The following UPF2 variants were observed in gnomAD, a reference collection of about 807,000 sequenced individuals.
UPF2 encodes UPF2 regulator of nonsense mediated mRNA decay.
A neutral mutation model predicts 141.4 loss-of-function variants in UPF2; 17 were observed. That is an observed-to-expected ratio of 0.12 (90% CI 0.08 to 0.18). UPF2 has a LOEUF of 0.18. Ranked by LOEUF, UPF2 falls within the 10% of genes least tolerant of loss-of-function variation. UPF2 has a pLI of 1.00. For missense variants in UPF2, 1,152 were observed against 1,515.9 expected (o/e 0.76, Z 3.99); for synonymous variants, 540 against 498.0 (o/e 1.08, Z -1.12).
chr10:11,998,319 C>T lies in UPF2; in HGVS notation c.1759-562G>A, dbSNP rs1160759039. Among the ~76,000 whole-genome samples the T allele has an allele frequency of 6.6e-6, 1 of 152,128 alleles. No individual in the cohort carries two copies. Among genetic ancestry groups the T allele is most frequent in the Non-Finnish European group, 1.5e-5 (1 of 68,020 alleles). On this transcript the variant is annotated intron_variant, in intron 7 of 21. Transcript: ENST00000357604. This position sits in a 1 kb window ranked among gnomAD's most constrained non-coding sequence, Gnocchi z 4.5. Reference sequence around the variant, plus strand: ...GAGAATTCTTCCAAAAGAAACTCAACTGTCTTCAATCCCCTGTCTAAAATT... The same window carrying T: ...GAGAATTCTTCCAAAAGAAACTCAATTGTCTTCAATCCCCTGTCTAAAATT...
At chr10:12,026,646 C>CT (rs760035093) in intron 3 of UPF2, 78,291 of 373,418 alleles carry the variant, frequency 0.21, 5,038 homozygotes, top group East Asian at 0.33. Flanking sequence ...TTCCTATAAA[C>CT]TTTTTTTTTT....
chr10:11,936,864 T>C lies in UPF2; in HGVS notation c.3379-152A>G, dbSNP rs1832857965. ...AACAATTACAACCACCATAATACTCTTTCTGAAACGTGGATAAATCTAGGG... is the reference window on the plus strand; with the variant it reads ...AACAATTACAACCACCATAATACTCCTTCTGAAACGTGGATAAATCTAGGG... On this transcript the variant is annotated intron_variant, in intron 18 of 21. Transcript: ENST00000357604. This position sits in a 1 kb window ranked among gnomAD's most constrained non-coding sequence, Gnocchi z 6.6. The C allele has an allele frequency of 2.8e-6, 2 of 718,054 alleles. No individual in the cohort carries two copies. Among genetic ancestry groups the C allele is most frequent in the Non-Finnish European group, 4.2e-6 (2 of 476,350 alleles). 44.5% of individuals were successfully genotyped at this position (718,054 alleles called of 1,614,324 possible). A position where few individuals can be genotyped will look rare whatever the true frequency, so the allele number is the denominator to read the frequency against.
intron 15 of UPF2, 22 bp from the exon 16 acceptor site, chr10:11,948,530 T>C (rs773381097): frequency 5.0e-6 from 8 of 1,607,826 alleles, no homozygotes; most frequent in Middle Eastern, 1.7e-4. Flanking sequence ...AAGGTGGAAA[T>C]GGAAAAATAC....
intron 7 of UPF2, 48 bp from the exon 8 acceptor site, chr10:11,997,805 C>A: frequency 6.5e-7 from 1 of 1,532,794 alleles, no homozygotes; most frequent in Non-Finnish European, 9.0e-7. Context: ...TAATTAGTTA[C>A]GGAGAGCAGA....
chr10:11,979,577 G>A lies in UPF2; in HGVS notation c.1845-412C>T, dbSNP rs754575683. ...AGCCATTTCCTTCATTTATCTCAGG[G>A]TAAGTTATTTGGAAACCTCAAGGTC... On this transcript the variant is annotated intron_variant, in intron 8 of 21. Coordinates refer to ENST00000357604, the MANE Select transcript of UPF2 (RefSeq NM_015542.4). The surrounding 1 kb of genome is among the most constrained non-coding windows in gnomAD (Gnocchi z 6.2). 2.0e-5 allele frequency among the ~76,000 whole-genome samples: 3 copies of A among 152,094 alleles called. No homozygotes were observed. Among genetic ancestry groups the A allele is most frequent in the Non-Finnish European group, 4.4e-5 (3 of 68,034 alleles).
intron 4 of UPF2, among the ~76,000 whole-genome samples, chr10:12,009,330 A>C (rs1834089724): frequency 6.6e-6 from 1 of 152,232 alleles, no homozygotes; most frequent in Admixed American, 6.5e-5. Flanking sequence ...ATTACAGAAC[A>C]ACCATACAAA....
At chr10:11,982,836 T>A (rs1833621689) in intron 8 of UPF2, among the ~76,000 whole-genome samples, 1 of 152,134 alleles carries the variant, frequency 6.6e-6, no homozygotes, top group Non-Finnish European at 1.5e-5. Context: ...GTCAGGCTGG[T>A]CTTGAACTCC....
intron 8 of UPF2, among the ~76,000 whole-genome samples, chr10:11,989,666 A>G (rs896811922): frequency 2.6e-5 from 4 of 152,320 alleles, no homozygotes; most frequent in East Asian, 1.9e-4. Context: ...TGTTACCCCA[A>G]TGCTTCACAT....
intron 4 of UPF2, among the ~76,000 whole-genome samples, chr10:12,009,098 G>A (rs553066944): frequency 1.3e-5 from 2 of 152,088 alleles, no homozygotes; most frequent in South Asian, 4.1e-4. Context: ...TTATTGATGG[G>A]CATTTGGGTT....
chr10:11,994,895 G>A (rs1343731972), intron 8 of UPF2, among the ~76,000 whole-genome samples: 4 of 143,318 alleles, frequency 2.8e-5, no homozygotes, highest in African/African-American at 7.8e-5. Context: ...AGAATGGCGT[G>A]AACCTGGGAG....
At position 11,936,744 on chromosome 10, in the gene UPF2, C is replaced by T. The variant is rs200431564; in HGVS notation, c.3379-32G>A. The T allele has an allele frequency of 7.9e-4, 1,240 of 1,574,844 alleles. 1 individual carries two copies. The highest frequency in any genetic ancestry group is 9.7e-4 in the Non-Finnish European group (1,127 of 1,160,790). ...GAAATTAAAAAGGACATAATAAACACTCCAAGATATATACGGATATATGTC... is the reference window on the plus strand; with the variant it reads ...GAAATTAAAAAGGACATAATAAACATTCCAAGATATATACGGATATATGTC... On this transcript the variant is annotated intron_variant, in intron 18 of 21. Coordinates refer to ENST00000357604, the MANE Select transcript of UPF2 (RefSeq NM_015542.4). The surrounding 1 kb of genome is among the most constrained non-coding windows in gnomAD (Gnocchi z 6.6).
chr10:11,987,808 T>C (rs977055694), intron 8 of UPF2, among the ~76,000 whole-genome samples: 1 of 141,862 alleles, frequency 7.0e-6, no homozygotes, highest in South Asian at 2.2e-4. Flanking sequence ...GATATAATGA[T>C]AGTGTTTTGA....
Position 11,930,887 on chromosome 10 carries a change from G to A in UPF2, c.3688+754C>T, listed in dbSNP as rs368208874. ...ACACACACTCTCCTGCACAGATGGC[G>A]GTTTATTCATTCAGTACAGTGCTGT... On this transcript the variant is annotated intron_variant, in intron 20 of 21. Transcript: ENST00000357604. Among the ~76,000 whole-genome samples, 409 of 152,200 alleles carry A rather than the reference G, an allele frequency of 2.7e-3. 3 individuals carry two copies. Among genetic ancestry groups the A allele is most frequent in the South Asian group, 0.022 (104 of 4,820 alleles).
At chr10:12,006,162 G>T (rs1425478143) in intron 4 of UPF2, among the ~76,000 whole-genome samples, 1 of 152,224 alleles carries the variant, frequency 6.6e-6, no homozygotes, top group Non-Finnish European at 1.5e-5. Context: ...TTACAGGCAT[G>T]CGTGACCACG....
intron 10 of UPF2, 73 bp from the exon 11 acceptor site, chr10:11,964,198 C>A: frequency 9.0e-7 from 1 of 1,113,808 alleles, no homozygotes; most frequent in Non-Finnish European, 1.3e-6. Context: ...TATCATACAT[C>A]TAATGTGTGT....
chr10:11,963,327 T>TATTCATTCATTC (rs112489937), intron 11 of UPF2, among the ~76,000 whole-genome samples: 15 of 144,880 alleles, frequency 1.0e-4, no homozygotes, highest in South Asian at 2.2e-4. Context: ...GCTGTGTGAG[T>TATTCATTCATTC]ATTCATTCAT....
At position 11,935,914 on chromosome 10, in the gene UPF2, A is replaced by G. The variant is rs946383222; in HGVS notation, c.3546+631T>C. Among the ~76,000 whole-genome samples, 5 of 152,086 alleles carry G rather than the reference A, an allele frequency of 3.3e-5. No individual in the cohort carries two copies. The highest frequency in any genetic ancestry group is 1.2e-4 in the African/African-American group (5 of 41,390). On this transcript the variant is annotated intron_variant, in intron 19 of 21. Transcript: ENST00000357604. The surrounding 1 kb of genome is among the most constrained non-coding windows in gnomAD (Gnocchi z 4.9). ...GGGCAAACAAGAAGAATGGAGAGGG[A>G]TATGGAGAAGGGTTGGTGTGATTTT...
chr10:11,948,634 T>A lies in UPF2; in HGVS notation c.3035-126A>T. On this transcript the variant is annotated intron_variant, in intron 15 of 21. Coordinates refer to ENST00000357604, the MANE Select transcript of UPF2 (RefSeq NM_015542.4). ...AACAGCCATTTTCTCAGAACAAAGGTAAAAGAATTAAAAACTACGGTGAGA... is the reference window on the plus strand; with the variant it reads ...AACAGCCATTTTCTCAGAACAAAGGAAAAAGAATTAAAAACTACGGTGAGA... 11 of 1,079,920 alleles carry A rather than the reference T, an allele frequency of 1.0e-5. 1 individual carries two copies. In the South Asian group the frequency reaches 1.7e-4, roughly 17 times the overall value. 66.9% of individuals were successfully genotyped at this position (1,079,920 alleles called of 1,614,324 possible).
intron 1 of UPF2, among the ~76,000 whole-genome samples, chr10:12,037,081 C>A (rs1834639407): frequency 6.6e-6 from 1 of 152,028 alleles, no homozygotes; most frequent in South Asian, 2.1e-4. Context: ...ACCTAAATTT[C>A]TTAGTTTTAT....
Sources: gnomAD v4.1 joint callset for allele counts (sites outside exome capture counted in the v4.1 genomes callset) on GRCh38, gnomAD v4.1.1 for gene constraint, Gnocchi (gnomAD v3.1) non-coding constraint, MANE v1.5 for transcripts, NCBI Gene and HGNC (gene_info 2026-07-23, HGNC 2026-07-21) for gene names.